The following SEMA6A variants were observed in gnomAD, a reference collection of about 807,000 sequenced individuals.
The protein encoded by SEMA6A is semaphorin-6A.
SEMA6A carries 25 observed loss-of-function variants against 96.8 expected under a neutral mutation model. The observed-to-expected ratio is 0.26, with a 90% CI of 0.19 to 0.36. SEMA6A has a LOEUF of 0.36. Ranked by LOEUF, SEMA6A falls within the 10% of genes least tolerant of loss-of-function variation. SEMA6A has a pLI of 1.00. For missense variants in SEMA6A, 1,363 were observed against 1,323.1 expected, an observed-to-expected ratio of 1.03 and a Z score of -0.47; for synonymous variants, 612 against 518.0, an observed-to-expected ratio of 1.18 and a Z score of -2.46.
At chr5:116,472,897 T>C in intron 17 of SEMA6A, 176 bp downstream of exon 17, 1 of 1,516,956 alleles carries the variant, frequency 6.6e-7, no homozygotes, top group South Asian at 1.3e-5. Context: ...TACACTGTGT[T>C]GTAAGACATT....
intron 1 of SEMA6A, among the ~76,000 whole-genome samples, chr5:116,556,033 C>A (rs1760591357): frequency 6.6e-6 from 1 of 152,122 alleles, no homozygotes; most frequent in South Asian, 2.1e-4. Flanking sequence ...GAACAGAAGA[C>A]AGGAAGGCTA....
At position 116,446,968 on chromosome 5, in the gene SEMA6A, C is replaced by T. The variant is rs373787925; in HGVS notation, c.2738G>A (p.Gly913Glu). ...RLEMHHSSSY[G>E]VDYKRSYPTN... is the part of the protein sequence containing the mutation. The stretch of plus-strand genomic sequence containing the variant: ...GGGGTAGCTCCTCTTATAGTCAACC[C>T]CGTAGGAAGAGGAGTGGTGCATTTC... The change falls in exon 19 of 19, where the codon GGG (glycine) becomes GAG (glutamate). Residue 913 changes from glycine (G) to glutamate (E), a missense_variant. Physicochemically the swap from Gly to Glu is moderately conservative, Grantham distance 98. Transcript: ENST00000343348. 6.2e-7 allele frequency: 1 copy of T among 1,613,872 alleles called. No homozygotes were observed. The highest frequency in any genetic ancestry group is 8.5e-7 in the Non-Finnish European group (1 of 1,179,860).
chr5:116,557,132 G>A (rs929528832), intron 1 of SEMA6A, among the ~76,000 whole-genome samples: 8 of 152,238 alleles, frequency 5.3e-5, no homozygotes, highest in African/African-American at 1.4e-4. Flanking sequence ...ATAGAAAAAT[G>A]TGTTGAAGTT....
At chr5:116,456,245 C>G (rs1484536801) in intron 18 of SEMA6A, among the ~76,000 whole-genome samples, 3 of 152,194 alleles carry the variant, frequency 2.0e-5, no homozygotes, top group South Asian at 4.1e-4. Flanking sequence ...GACAGAAATC[C>G]TCAAGTCCTG....
Position 116,444,084 on chromosome 5 carries a change from C to G in SEMA6A, c.*2529G>C, listed in dbSNP as rs961093595. On this transcript the variant is annotated 3_prime_UTR_variant, in exon 19 of 19. Coordinates refer to ENST00000343348, the MANE Select transcript of SEMA6A (RefSeq NM_020796.5). ...GAGTCAAGCATGGGAAAGAAGGGGG[C>G]AGGGGGATACAGACCCATCACCTTC... is the stretch of plus-strand genomic sequence containing the variant. 1 of 152,014 alleles carries G rather than the reference C, an allele frequency of 6.6e-6. No individual in the cohort carries two copies. The highest frequency in any genetic ancestry group is 6.6e-5 in the Admixed American group (1 of 15,266). The allele number at this position is 152,014 out of a possible 1,614,324, so 9.4% of individuals were successfully genotyped here. A position where few individuals can be genotyped will look rare whatever the true frequency, so the allele number is the denominator to read the frequency against.
At chr5:116,568,837 CACACACACACATTCATGCATGAAGT>C (rs1241528789) in intron 1 of SEMA6A, among the ~76,000 whole-genome samples, 1 of 151,874 alleles carries the variant, frequency 6.6e-6, no homozygotes, top group Non-Finnish European at 1.5e-5. Context: ...CACACACACA[CACACACACACATTCATGCATGAAGT>C]ACACACACAC....
chr5:116,457,400 G>A (rs1262930414), intron 18 of SEMA6A, among the ~76,000 whole-genome samples: 1 of 152,094 alleles, frequency 6.6e-6, no homozygotes, highest in East Asian at 1.9e-4. Flanking sequence ...TGACTATACC[G>A]AACTTCCATT....
chr5:116,478,337 C>T (rs1756571896), intron 13 of SEMA6A, 183 bp from the exon 14 acceptor site: 1 of 761,728 alleles, frequency 1.3e-6, no homozygotes, highest in African/African-American at 1.8e-5. Flanking sequence ...TATAAACACA[C>T]ACACATATAT....
At chr5:116,510,433 G>A (rs1231396159) in intron 1 of SEMA6A, among the ~76,000 whole-genome samples, 2 of 152,132 alleles carry the variant, frequency 1.3e-5, no homozygotes, top group African/African-American at 4.8e-5. Flanking sequence ...GGTGAAACCT[G>A]GGCTTTGAAA....
At chr5:116,510,865 A>G (rs930008292) in intron 1 of SEMA6A, among the ~76,000 whole-genome samples, 2 of 152,202 alleles carry the variant, frequency 1.3e-5, no homozygotes, top group African/African-American at 4.8e-5. Context: ...AAGAAATATA[A>G]TGATGTGGAA....
In SEMA6A at chr5:116,444,125, C is replaced by T. The variant is rs1010150481; in HGVS notation, c.*2488G>A. On this transcript the variant is annotated 3_prime_UTR_variant, in exon 19 of 19. Coordinates refer to ENST00000343348, the MANE Select transcript of SEMA6A (RefSeq NM_020796.5). ...CATCACCTTCCTAATTTCTGCATTT[C>T]TAGAGAAAATTCAAGGAAGAAAACA... 4 of 151,710 alleles carry T rather than the reference C, an allele frequency of 2.6e-5. No homozygotes were observed. The highest frequency in any genetic ancestry group is 9.7e-5 in the African/African-American group (4 of 41,240). The allele number at this position is 151,710 out of a possible 1,614,324, so 9.4% of individuals were successfully genotyped here.
intron 14 of SEMA6A, 33 bp downstream of exon 14, chr5:116,477,981 A>G (rs1376621097): frequency 1.9e-6 from 3 of 1,613,920 alleles, no homozygotes; most frequent in Non-Finnish European, 1.7e-6. Context: ...GCCACCATGG[A>G]CTTTCTAATT....
intron 3 of SEMA6A, among the ~76,000 whole-genome samples, chr5:116,497,950 A>T (rs895367697): frequency 6.6e-6 from 1 of 152,240 alleles, no homozygotes; most frequent in Non-Finnish European, 1.5e-5. Flanking sequence ...ATGATGGTCA[A>T]TTAAAGTCTA....
chr5:116,555,537 G>T (rs1760574348), intron 1 of SEMA6A, among the ~76,000 whole-genome samples: 1 of 152,072 alleles, frequency 6.6e-6, no homozygotes. Flanking sequence ...TTGGTTTTGA[G>T]TCAGACATTA....
intron 1 of SEMA6A, among the ~76,000 whole-genome samples, chr5:116,541,677 AC>A (rs1157888245): frequency 1.3e-5 from 2 of 152,254 alleles, no homozygotes; most frequent in South Asian, 2.1e-4. Context: ...TACTAAAGAT[AC>A]AAAAATTAGC....
At chr5:116,484,098 T>C (rs1326156783) in intron 10 of SEMA6A, among the ~76,000 whole-genome samples, 1 of 150,682 alleles carries the variant, frequency 6.6e-6, no homozygotes, top group Non-Finnish European at 1.5e-5. Flanking sequence ...ACAGTGATTC[T>C]CATTTGTTTT....
At chr5:116,494,182 C>T (rs553946550) in intron 6 of SEMA6A, among the ~76,000 whole-genome samples, 1 of 152,304 alleles carries the variant, frequency 6.6e-6, no homozygotes, top group African/African-American at 2.4e-5. Context: ...TAACACTTGT[C>T]ATTTCACAGT....
chr5:116,539,476 G>T (rs1261950795), intron 1 of SEMA6A, among the ~76,000 whole-genome samples: 1 of 152,040 alleles, frequency 6.6e-6, no homozygotes, highest in Non-Finnish European at 1.5e-5. Flanking sequence ...AGCTGTACTG[G>T]GCAGTGTGCA....
chr5:116,488,762 A>G, intron 8 of SEMA6A, 126 bp downstream of exon 8: 1 of 1,184,778 alleles, frequency 8.4e-7, no homozygotes, highest in Non-Finnish European at 1.1e-6. Flanking sequence ...TGCAATTTAC[A>G]TGTTTCTGTC....
Sources: allele counts gnomAD v4.1 joint callset (sites outside exome capture counted in the v4.1 genomes callset), GRCh38; gene constraint gnomAD v4.1.1; transcripts MANE v1.5; gene names NCBI Gene and HGNC (gene_info 2026-07-23, HGNC 2026-07-21).